The following IFT140 variants were observed in gnomAD, a reference collection of about 807,000 sequenced individuals.
IFT140 encodes the protein intraflagellar transport protein 140 homolog.
In IFT140, 133 loss-of-function variants were observed where a neutral mutation model predicts 164.6. The ratio of observed to expected loss-of-function variants is 0.81; its 90% confidence interval spans 0.70 to 0.93. The LOEUF is 0.93. IFT140 is among the 40% of genes least tolerant of loss of function. The probability of loss-of-function intolerance (pLI) is 0.00; values close to 1 mark genes in which losing one functional copy is unlikely to be tolerated. For missense variants in IFT140, 2,045 were observed against 1,972.3 expected, an observed-to-expected ratio of 1.04 and a Z score of -0.70; for synonymous variants, 860 against 817.3, an observed-to-expected ratio of 1.05 and a Z score of -0.89.
rs1001045418 is a variant in IFT140, at chr16:1,510,788, G to A, written c.*156C>T. On this transcript the variant is annotated 3_prime_UTR_variant, in exon 31 of 31. Coordinates refer to ENST00000426508, the MANE Select transcript of IFT140 (RefSeq NM_014714.4). ...AAGGTGCAGACGGGTCACACCCTCCGCCGGCCCGGGCCGCTGCGTTCTCGC... is the reference window on the plus strand; with the variant it reads ...AAGGTGCAGACGGGTCACACCCTCCACCGGCCCGGGCCGCTGCGTTCTCGC... 2.9e-5 allele frequency: 21 copies of A among 711,980 alleles called. No homozygotes were observed. Among genetic ancestry groups the A allele is most frequent in the South Asian group, 2.9e-4 (17 of 59,062 alleles). 44.1% of individuals were successfully genotyped at this position (711,980 alleles called of 1,614,324 possible).
intron 19 of IFT140, among the ~76,000 whole-genome samples, chr16:1,546,561 C>G (rs545290381): frequency 2.9e-4 from 44 of 152,244 alleles, no homozygotes; most frequent in Non-Finnish European, 4.9e-4. Flanking sequence ...GGGTAACATG[C>G]ATGCTGAGAA....
chr16:1,563,560 G>C (rs2033544245), intron 17 of IFT140, among the ~76,000 whole-genome samples: 1 of 152,076 alleles, frequency 6.6e-6, no homozygotes, highest in Non-Finnish European at 1.5e-5. Context: ...CAGACAGTAA[G>C]TGTGGAGCTG....
At chr16:1,606,109 C>T (rs572251625) in intron 3 of IFT140, among the ~76,000 whole-genome samples, 11 of 152,328 alleles carry the variant, frequency 7.2e-5, no homozygotes, top group South Asian at 2.1e-4. Context: ...TCAGAGCCAG[C>T]GGGCCCTGCT....
chr16:1,583,671 C>T (rs1345336580), intron 11 of IFT140, among the ~76,000 whole-genome samples: 3 of 148,120 alleles, frequency 2.0e-5, no homozygotes, highest in Admixed American at 6.8e-5. Context: ...CCTTTATTTA[C>T]TTTTTAAATT....
chr16:1,554,880 G>C (rs2032961894), intron 19 of IFT140: 1 of 1,614,106 alleles, frequency 6.2e-7, no homozygotes. Flanking sequence ...CTGCCTTCTG[G>C]CCACGCTGGC....
At position 1,546,974 on chromosome 16, in the gene IFT140, G is replaced by A. The variant is rs932499957; in HGVS notation, c.2399+10961C>T. Among the ~76,000 whole-genome samples, 8 of 152,350 alleles carry A rather than the reference G, an allele frequency of 5.3e-5. No individual in the cohort carries two copies. In the South Asian group the frequency reaches 1.0e-3, roughly 20 times the overall value. ...AAGTCCCCGCCGTCCCCCAGTCGGTGCTCACATGACACTCTCTGCATCCGT... is the reference window on the plus strand; with the variant it reads ...AAGTCCCCGCCGTCCCCCAGTCGGTACTCACATGACACTCTCTGCATCCGT... On this transcript the variant is annotated intron_variant, in intron 19 of 30. Transcript: ENST00000426508.
intron 7 of IFT140, 146 bp downstream of exon 7, chr16:1,589,459 A>G (rs2035062144): frequency 1.5e-6 from 1 of 677,224 alleles, no homozygotes. Flanking sequence ...ATAAATAATG[A>G]CACCGCTAGC....
chr16:1,588,576 G>A lies in IFT140; in HGVS notation c.811-552C>T, dbSNP rs528245784. On this transcript the variant is annotated intron_variant, in intron 7 of 30. Coordinates refer to ENST00000426508, the MANE Select transcript of IFT140 (RefSeq NM_014714.4). The stretch of plus-strand genomic sequence containing the variant: ...TAATAATGGCTACTGAGCACAGGGT[G>A]TGGGCAGGTGGCCATCGGTGGACAT... Among the ~76,000 whole-genome samples, 16 of 134,570 alleles carry A rather than the reference G, an allele frequency of 1.2e-4. No homozygotes were observed. The South Asian group carries it at 2.5e-3, about 21-fold the overall frequency. The allele number at this position is 134,570 out of a possible 152,430, so 88.3% of individuals were successfully genotyped here. A position where few individuals can be genotyped will look rare whatever the true frequency, so the allele number is the denominator to read the frequency against.
At chr16:1,603,659 T>A (rs2035906235) in intron 3 of IFT140, among the ~76,000 whole-genome samples, 1 of 152,180 alleles carries the variant, frequency 6.6e-6, no homozygotes. Flanking sequence ...ATTTTTGTAT[T>A]TTTAGTAGAG....
rs1256717075 is a variant in IFT140 at position 1,531,649 on chromosome 16, A to G, written c.2400-4853T>C. 2 of 151,944 alleles carry G rather than the reference A, an allele frequency of 1.3e-5. No homozygotes were observed. Among genetic ancestry groups the G allele is most frequent in the Non-Finnish European group, 2.9e-5 (2 of 68,048 alleles). 9.4% of individuals were successfully genotyped at this position (151,944 alleles called of 1,614,324 possible). On this transcript the variant is annotated intron_variant, in intron 19 of 30. Transcript: ENST00000426508. This position sits in a 1 kb window ranked among gnomAD's most constrained non-coding sequence, Gnocchi z 4.7. ...CCCAGGAGGGTCGCTCTTAACTTACATGCTGCTCCCAGGCCTTCCGCCCTC... is the reference window on the plus strand; with the variant it reads ...CCCAGGAGGGTCGCTCTTAACTTACGTGCTGCTCCCAGGCCTTCCGCCCTC...
chr16:1,591,732 C>T (rs747206607), intron 6 of IFT140, among the ~76,000 whole-genome samples: 19 of 152,212 alleles, frequency 1.2e-4, no homozygotes, highest in Non-Finnish European at 2.5e-4. Context: ...TGAAGGCTGG[C>T]CGGGGGCCTC....
intron 19 of IFT140, among the ~76,000 whole-genome samples, chr16:1,527,998 T>A (rs1414543117): frequency 6.6e-6 from 1 of 152,224 alleles, no homozygotes; most frequent in East Asian, 1.9e-4. Flanking sequence ...ACAGCCACTC[T>A]AGGGACATGA....
chr16:1,559,262 G>A (rs2033276609), intron 18 of IFT140, among the ~76,000 whole-genome samples: 1 of 152,210 alleles, frequency 6.6e-6, no homozygotes, highest in South Asian at 2.1e-4. Context: ...GCAAGGAAGC[G>A]CCCTGACCTC....
intron 13 of IFT140, chr16:1,580,553 C>T (rs972303452): frequency 4.0e-5 from 19 of 472,110 alleles, no homozygotes; most frequent in African/African-American, 2.0e-4. Context: ...CTGAGGCCTC[C>T]GCAGTCATGC....
intron 19 of IFT140, 79 bp from the exon 20 acceptor site, chr16:1,526,875 C>T (rs771335312): frequency 3.5e-4 from 508 of 1,445,280 alleles, no homozygotes; most frequent in Admixed American, 5.8e-4. Context: ...TCTCCTGGGG[C>T]AAGTAGTCAT....
rs1430912164 is a variant in IFT140, at chr16:1,562,086, A to T, written c.2098T>A (p.Ser700Thr). ...ADVLILSFFI[S>T]EEHGFLLHES... Reference sequence around the variant, plus strand: ...TGAAGCAGGAAGCCGTGCTCTTCGGAAATGAAGAAGGACAGGATCAAAACA... The same window carrying T: ...TGAAGCAGGAAGCCGTGCTCTTCGGTAATGAAGAAGGACAGGATCAAAACA... Residue 700 changes from serine (S) to threonine (T), a missense_variant, in exon 18 of 31, where the codon TCC (serine) becomes ACC (threonine). By Grantham distance (58) the Ser-to-Thr change is moderately conservative. Transcript: ENST00000426508. 1 of 1,611,592 alleles carries T rather than the reference A, an allele frequency of 6.2e-7. No homozygotes were observed. Among genetic ancestry groups the T allele is most frequent in the Non-Finnish European group, 8.5e-7 (1 of 1,178,914 alleles).
chr16:1,543,111 G>C (rs551387480), intron 19 of IFT140, among the ~76,000 whole-genome samples: 1 of 152,220 alleles, frequency 6.6e-6, no homozygotes, highest in Admixed American at 6.5e-5. Flanking sequence ...AGGTCAGCCC[G>C]GTGCCCGCAG....
rs201327024 is a variant in IFT140, at chr16:1,542,035, C to A, written c.2400-15239G>T. 31 of 1,610,896 alleles carry A rather than the reference C, an allele frequency of 1.9e-5. No individual in the cohort carries two copies. In the East Asian group the frequency reaches 2.9e-4, roughly 15 times the overall value. The stretch of plus-strand genomic sequence containing the variant: ...CTGCCCCTGCTGTCACCCGACGCCC[C>A]GTGCTGGGAGGAGGCCATGGCCGCT... On this transcript the variant is annotated intron_variant, in intron 19 of 30. Coordinates refer to ENST00000426508, the MANE Select transcript of IFT140 (RefSeq NM_014714.4).
intron 3 of IFT140, 80 bp downstream of exon 3, chr16:1,607,038 GCA>G: frequency 7.2e-7 from 1 of 1,385,604 alleles, no homozygotes; most frequent in Non-Finnish European, 1.0e-6. Context: ...ACACACATGT[GCA>G]CACACACAAG....
Sources: gnomAD v4.1 joint callset for allele counts (sites outside exome capture counted in the v4.1 genomes callset) on GRCh38, gnomAD v4.1.1 for gene constraint, Gnocchi (gnomAD v3.1) non-coding constraint, MANE v1.5 for transcripts, NCBI Gene and HGNC (gene_info 2026-07-23, HGNC 2026-07-21) for gene names.